CMTM7: variants seen among roughly 807,000 people sequenced by gnomAD.
CMTM7 encodes the protein CKLF like MARVEL transmembrane domain containing 7.
CMTM7 carries 7 observed loss-of-function variants against 19.3 expected under a neutral mutation model. The ratio of observed to expected loss-of-function variants is 0.36; its 90% CI spans 0.21 to 0.68. CMTM7 has a LOEUF of 0.68. Among genes scored for constraint, CMTM7 ranks in the 30% least tolerant of loss-of-function variants. The probability of loss-of-function intolerance (pLI) is 0.60; values close to 1 mark genes in which losing one functional copy is unlikely to be tolerated. For missense variants in CMTM7, 193 were observed against 232.6 expected (o/e 0.83, Z 1.11); for synonymous variants, 87 against 99.3 (o/e 0.88, Z 0.74).
Position 32,424,606 on chromosome 3 carries a change from C to T in CMTM7, c.160-17234C>T, listed in dbSNP as rs534100271. Among the ~76,000 whole-genome samples, 26 of 151,670 alleles carry T rather than the reference C, an allele frequency of 1.7e-4. 1 individual carries two copies. Among genetic ancestry groups the T allele is most frequent in the African/African-American group, 6.3e-4 (26 of 41,436 alleles). ...GGAGCTTGTTTAAGCCTCTTGCCCC[C>T]TCTCCCAGACCACTGAGCCCTTGGG... On this transcript the variant is annotated intron_variant, in intron 1 of 4. Transcript: ENST00000334983.
chr3:32,392,180 C>T (rs1695845975), intron 1 of CMTM7, 115 bp downstream of exon 1: 1 of 830,030 alleles, frequency 1.2e-6, no homozygotes, highest in Admixed American at 4.4e-5. Flanking sequence ...GAGCATCGCG[C>T]AGCGGGCGGG....
At chr3:32,442,730 CTT>C (rs1216909323) in intron 2 of CMTM7, among the ~76,000 whole-genome samples, 1 of 152,100 alleles carries the variant, frequency 6.6e-6, no homozygotes, top group Non-Finnish European at 1.5e-5. Flanking sequence ...AGTTGCCAGA[CTT>C]TTTCTTCCCA....
chr3:32,414,653 T>G (rs1362483694), intron 1 of CMTM7, among the ~76,000 whole-genome samples: 1 of 152,132 alleles, frequency 6.6e-6, no homozygotes, highest in Non-Finnish European at 1.5e-5. Context: ...TCCAGAAAAT[T>G]TAGCTAAGGA....
In CMTM7 at chr3:32,429,350, G is replaced by C. The variant is rs569578530; in HGVS notation, c.160-12490G>C. Among the ~76,000 whole-genome samples the C allele has an allele frequency of 2.0e-5, 3 of 148,746 alleles. No individual in the cohort carries two copies. The East Asian group carries it at 6.1e-4, about 30-fold the overall frequency. On this transcript the variant is annotated intron_variant, in intron 1 of 4. Coordinates refer to ENST00000334983, the MANE Select transcript of CMTM7 (RefSeq NM_138410.4). Reference sequence around the variant, plus strand: ...ACTCTGTCACCCTGGTTGGAGTGCAGTGGCATGATCTCGGCTCACTGAAAC... The same window carrying C: ...ACTCTGTCACCCTGGTTGGAGTGCACTGGCATGATCTCGGCTCACTGAAAC...
At chr3:32,432,818 G>C (rs1367800395) in intron 1 of CMTM7, among the ~76,000 whole-genome samples, 3 of 152,196 alleles carry the variant, frequency 2.0e-5, no homozygotes, top group African/African-American at 7.2e-5. Context: ...AGCCATAGCA[G>C]ATACCCTTCT....
chr3:32,398,740 T>A (rs1194458030), intron 1 of CMTM7, among the ~76,000 whole-genome samples: 1 of 151,700 alleles, frequency 6.6e-6, no homozygotes, highest in Non-Finnish European at 1.5e-5. Context: ...TCTCAGCAGT[T>A]TGGGAGGCCG....
intron 2 of CMTM7, among the ~76,000 whole-genome samples, chr3:32,447,970 G>A (rs1696776421): frequency 6.6e-6 from 1 of 152,058 alleles, no homozygotes. Flanking sequence ...TAAGTTCTAA[G>A]GCCCCTTTCA....
chr3:32,433,553 T>C (rs894994171), intron 1 of CMTM7, among the ~76,000 whole-genome samples: 6 of 152,182 alleles, frequency 3.9e-5, no homozygotes, highest in Non-Finnish European at 7.4e-5. Flanking sequence ...AGTGTAAAGA[T>C]GTTCTGAGGG....
chr3:32,404,825 TG>T, intron 1 of CMTM7, among the ~76,000 whole-genome samples: 1 of 152,234 alleles, frequency 6.6e-6, no homozygotes, highest in Non-Finnish European at 1.5e-5. Context: ...GGTGAAGGGA[TG>T]TTACAGAAGC....
chr3:32,452,277 C>T, intron 3 of CMTM7, 115 bp from the exon 4 acceptor site: 1 of 1,589,874 alleles, frequency 6.3e-7, no homozygotes, highest in Non-Finnish European at 8.6e-7. Context: ...ACTCTCCAAG[C>T]TCCTTTCTGG....
intron 4 of CMTM7, among the ~76,000 whole-genome samples, chr3:32,453,667 G>T (rs1203137617): frequency 6.6e-6 from 1 of 152,192 alleles, no homozygotes; most frequent in Non-Finnish European, 1.5e-5. Context: ...ATGGCGGCCT[G>T]GGGCTGCTGG....
At position 32,449,290 on chromosome 3, in the gene CMTM7, T is replaced by C. The variant is rs184070126; in HGVS notation, c.334-164T>C. ...GGCCTCTTCCTGGTCAGCCCGCATG[T>C]TGGCTGCCTGCGAGCGGCTCTGCTC... On this transcript the variant is annotated intron_variant, in intron 2 of 4. Transcript: ENST00000334983. This position sits in a 1 kb window ranked among gnomAD's most constrained non-coding sequence, Gnocchi z 4.5. Among the ~76,000 whole-genome samples, 51 of 152,330 alleles carry C rather than the reference T, an allele frequency of 3.3e-4. No individual in the cohort carries two copies. In the East Asian group the frequency reaches 9.5e-3, roughly 28 times the overall value.
intron 1 of CMTM7, among the ~76,000 whole-genome samples, chr3:32,436,326 A>T (rs1696597329): frequency 6.6e-6 from 1 of 152,150 alleles, no homozygotes; most frequent in Non-Finnish European, 1.5e-5. Flanking sequence ...AGGCTATTAG[A>T]TGATGGTGAC....
chr3:32,407,766 G>T (rs1696110893), intron 1 of CMTM7, among the ~76,000 whole-genome samples: 1 of 152,182 alleles, frequency 6.6e-6, no homozygotes, highest in South Asian at 2.1e-4. Flanking sequence ...GGCCTGATGG[G>T]GGTCTGCGTG....
chr3:32,432,904 A>C (rs1013164919), intron 1 of CMTM7, among the ~76,000 whole-genome samples: 1 of 151,296 alleles, frequency 6.6e-6, no homozygotes, highest in South Asian at 2.1e-4. Flanking sequence ...CTGATGACCT[A>C]CTCCTCCAGG....
intron 1 of CMTM7, among the ~76,000 whole-genome samples, chr3:32,428,092 G>T (rs972109036): frequency 2.0e-5 from 3 of 152,220 alleles, no homozygotes; most frequent in Non-Finnish European, 4.4e-5. Flanking sequence ...TGGAGAGTGT[G>T]CTGTGAGAGG....
chr3:32,429,539 C>T (rs1696482743), intron 1 of CMTM7, among the ~76,000 whole-genome samples: 1 of 151,918 alleles, frequency 6.6e-6, no homozygotes, highest in Non-Finnish European at 1.5e-5. Context: ...GATCCACCTG[C>T]CTTGGCCTCC....
At chr3:32,411,816 C>T (rs1575112249) in intron 1 of CMTM7, among the ~76,000 whole-genome samples, 1 of 152,206 alleles carries the variant, frequency 6.6e-6, no homozygotes, top group South Asian at 2.1e-4. Context: ...CAGTGGCTCA[C>T]GCCTCTAATC....
chr3:32,423,149 C>A (rs1286322743), intron 1 of CMTM7, among the ~76,000 whole-genome samples: 1 of 152,158 alleles, frequency 6.6e-6, no homozygotes, highest in Non-Finnish European at 1.5e-5. Context: ...GCTGGCTTCT[C>A]CTGGGGTAAC....
Sources: gnomAD v4.1 joint callset for allele counts (sites outside exome capture counted in the v4.1 genomes callset) on GRCh38, gnomAD v4.1.1 for gene constraint, Gnocchi (gnomAD v3.1) non-coding constraint, MANE v1.5 for transcripts, NCBI Gene and HGNC (gene_info 2026-07-23, HGNC 2026-07-21) for gene names.